The following FBXL17 variants were observed in gnomAD, a reference collection of about 807,000 sequenced individuals.
FBXL17 encodes the protein F-box and leucine rich repeat protein 17.
Under a neutral mutation model 66.2 loss-of-function variants are expected in FBXL17, and 22 were observed. The ratio of observed to expected loss-of-function variants is 0.33; its 90% CI spans 0.24 to 0.47. The LOEUF (loss-of-function observed/expected upper bound fraction) is 0.47, where lower values mean the gene tolerates loss of function less well. Among genes scored for constraint, FBXL17 ranks in the 20% least tolerant of loss-of-function variants. The pLI is 1.00. For synonymous variants in FBXL17, 474 were observed against 400.5 expected (o/e 1.18, Z -2.19); for missense variants, 878 against 948.2 (o/e 0.93, Z 0.97).
At chr5:107,883,300 G>A (rs111367208) in intron 7 of FBXL17, among the ~76,000 whole-genome samples, 1,761 of 152,308 alleles carry the variant, frequency 0.012, 40 homozygotes, top group African/African-American at 0.039. Context: ...GTAAGTGGGG[G>A]AGTGGATTTT....
chr5:108,219,928 C>CTTTTTTTTTTTTTTTTTTTTTTTTTTTTT lies in FBXL17; in HGVS notation c.1614+4192_1614+4193insAAAAAAAAAAAAAAAAAAAAAAAAAAAAA. Among the ~76,000 whole-genome samples the CTTTTTTTTTTTTTTTTTTTTTTTTTTTTT allele has an allele frequency of 3.2e-4, 12 of 37,436 alleles. 1 individual carries two copies. Among genetic ancestry groups the CTTTTTTTTTTTTTTTTTTTTTTTTTTTTT allele is most frequent in the Non-Finnish European group, 4.6e-4 (10 of 21,880 alleles). 24.6% of individuals were successfully genotyped at this position (37,436 alleles called of 152,430 possible). The stretch of plus-strand genomic sequence containing the variant: ...TTTCCTCTTTGATCTTTACTATTTC[C>CTTTTTTTTTTTTTTTTTTTTTTTTTTTTT]TTTTTTTTTTTTTTTTTTTTTTTGC... On this transcript the variant is annotated intron_variant, in intron 5 of 8. Coordinates refer to ENST00000542267, the MANE Select transcript of FBXL17 (RefSeq NM_001163315.3).
intron 5 of FBXL17, among the ~76,000 whole-genome samples, chr5:108,218,272 T>C (rs1274474013): frequency 6.6e-6 from 1 of 152,080 alleles, no homozygotes. Context: ...CCTCCCAAAG[T>C]GCTGAGATTA....
chr5:108,024,180 A>G (rs548068517), intron 6 of FBXL17, among the ~76,000 whole-genome samples: 1 of 152,176 alleles, frequency 6.6e-6, no homozygotes, highest in Non-Finnish European at 1.5e-5. Context: ...GGAGTTATAA[A>G]ATTTGGAAAA....
intron 3 of FBXL17, among the ~76,000 whole-genome samples, chr5:108,351,027 AG>A (rs1457201399): frequency 2.0e-5 from 3 of 152,214 alleles, no homozygotes; most frequent in Non-Finnish European, 4.4e-5. Flanking sequence ...AATCTGCTGT[AG>A]GGCAGTAAAT....
At chr5:108,210,987 G>T (rs1251780431) in intron 5 of FBXL17, among the ~76,000 whole-genome samples, 1 of 152,102 alleles carries the variant, frequency 6.6e-6, no homozygotes, top group African/African-American at 2.4e-5. Flanking sequence ...TATGAATCTA[G>T]GTGCTCCTGT....
intron 7 of FBXL17, among the ~76,000 whole-genome samples, chr5:107,957,528 A>T (rs1346487230): frequency 2.0e-5 from 3 of 152,230 alleles, no homozygotes; most frequent in African/African-American, 7.2e-5. Flanking sequence ...GTTAGTGAAC[A>T]GAGAGTTGAC....
intron 4 of FBXL17, among the ~76,000 whole-genome samples, chr5:108,270,971 T>C (rs1472857885): frequency 1.3e-5 from 2 of 151,892 alleles, no homozygotes; most frequent in African/African-American, 2.4e-5. Flanking sequence ...CCCCTCTCCT[T>C]CTCCACATTC....
In FBXL17 at chr5:108,106,472, C is replaced by T. The variant is rs144704931; in HGVS notation, c.1745+79645G>A. ...ACCAAAATGTATATACAAATATTCA[C>T]AATAGCAAAAAAGTAGCAACAACCA... On this transcript the variant is annotated intron_variant, in intron 6 of 8. Transcript: ENST00000542267. Among the ~76,000 whole-genome samples the T allele has an allele frequency of 2.8e-4, 42 of 152,086 alleles. 1 individual carries two copies. The East Asian group carries it at 6.8e-3, about 24-fold the overall frequency.
At chr5:107,960,841 C>T (rs146921533) in intron 7 of FBXL17, among the ~76,000 whole-genome samples, 3 of 152,202 alleles carry the variant, frequency 2.0e-5, no homozygotes, top group East Asian at 1.9e-4. Flanking sequence ...GCTGGGAAAT[C>T]GAGATACAGG....
At chr5:108,214,659 C>T (rs865972707) in intron 5 of FBXL17, among the ~76,000 whole-genome samples, 5 of 152,048 alleles carry the variant, frequency 3.3e-5, no homozygotes, top group East Asian at 1.9e-4. Context: ...CACGAGCCAC[C>T]GCACCTGGCC....
chr5:108,257,024 T>A (rs1218222905), intron 4 of FBXL17, among the ~76,000 whole-genome samples: 1 of 152,220 alleles, frequency 6.6e-6, no homozygotes, highest in Non-Finnish European at 1.5e-5. Context: ...TAACTGTGTT[T>A]CAGTTACCAG....
intron 5 of FBXL17, among the ~76,000 whole-genome samples, chr5:108,199,669 C>T (rs1301494406): frequency 2.0e-5 from 3 of 152,082 alleles, no homozygotes; most frequent in African/African-American, 4.8e-5. Context: ...GTTCAATTCT[C>T]TGCTTGTGCT....
chr5:108,074,908 T>A (rs1410684876), intron 6 of FBXL17, among the ~76,000 whole-genome samples: 1 of 152,220 alleles, frequency 6.6e-6, no homozygotes, highest in Non-Finnish European at 1.5e-5. Context: ...AGGCTACTCC[T>A]TTCTTTGTGC....
At chr5:108,299,541 A>AT in intron 4 of FBXL17, 1 of 959,576 alleles carries the variant, frequency 1.0e-6, no homozygotes, top group Non-Finnish European at 1.2e-6. Flanking sequence ...TAATCCTTCA[A>AT]TTTTAGATAA....
Position 108,021,052 on chromosome 5 carries a change from AGG to A in FBXL17, c.1746-53_1746-52del, listed in dbSNP as rs532901680. On this transcript the variant is annotated intron_variant, in intron 6 of 8. Coordinates refer to ENST00000542267, the MANE Select transcript of FBXL17 (RefSeq NM_001163315.3). ...CTAATGCGTTTCAAGTTAAATTAGC[AGG>A]GGTTTGAATATAATAGGAAGAGGTC... 208 of 1,333,240 alleles carry A rather than the reference AGG, an allele frequency of 1.6e-4. No individual in the cohort carries two copies. The African/African-American group carries it at 2.7e-3, about 17-fold the overall frequency. 82.6% of individuals were successfully genotyped at this position (1,333,240 alleles called of 1,614,324 possible). A position where few individuals can be genotyped will look rare whatever the true frequency, so the allele number is the denominator to read the frequency against.
At position 107,880,901 on chromosome 5, in the gene FBXL17, T is replaced by C. The variant is rs554121614; in HGVS notation, c.1965+136A>G. The C allele has an allele frequency of 1.9e-4, 273 of 1,443,530 alleles. No individual in the cohort carries two copies. The African/African-American group carries it at 3.3e-3, about 17-fold the overall frequency. 89.4% of individuals were successfully genotyped at this position (1,443,530 alleles called of 1,614,324 possible). On this transcript the variant is annotated intron_variant, in intron 8 of 8. Transcript: ENST00000542267. ...GCAGGCAAACAATGCATAGCTATAA[T>C]TGCATATATACATATAAAATGTATA...
intron 6 of FBXL17, among the ~76,000 whole-genome samples, chr5:108,160,837 T>C (rs965564397): frequency 2.0e-5 from 3 of 152,200 alleles, no homozygotes; most frequent in African/African-American, 7.2e-5. Flanking sequence ...CATAATTCTG[T>C]GGGGAGGTAA....
intron 7 of FBXL17, among the ~76,000 whole-genome samples, chr5:107,960,922 A>C (rs1477749805): frequency 1.3e-5 from 2 of 152,202 alleles, no homozygotes; most frequent in African/African-American, 4.8e-5. Context: ...ATACATTTTC[A>C]GTAGAGTGTG....
At chr5:108,233,804 A>G (rs1755475904) in intron 4 of FBXL17, among the ~76,000 whole-genome samples, 1 of 152,204 alleles carries the variant, frequency 6.6e-6, no homozygotes, top group African/African-American at 2.4e-5. Flanking sequence ...TCAAGATCCT[A>G]GTAAAGCTTC....
Sources: gnomAD v4.1 joint callset for allele counts (sites outside exome capture counted in the v4.1 genomes callset) on GRCh38, gnomAD v4.1.1 for gene constraint, MANE v1.5 for transcripts, NCBI Gene and HGNC (gene_info 2026-07-23, HGNC 2026-07-21) for gene names.